The following IGSF1 variants were observed in gnomAD, a reference collection of about 807,000 sequenced individuals.
IGSF1 encodes the protein immunoglobulin superfamily member 1, also known as immunoglobulin-like domain-containing protein 1.
Under a neutral mutation model 95.3 loss-of-function variants are expected in IGSF1, and 40 were observed. That is an observed-to-expected ratio of 0.42 (90% confidence interval 0.33 to 0.55). The LOEUF (loss-of-function observed/expected upper bound fraction) is 0.55. Ranked by LOEUF, IGSF1 falls within the 20% of genes least tolerant of loss-of-function variation. The pLI is 0.10. For missense variants in IGSF1, 906 were observed against 1,025.4 expected (o/e 0.88, Z 1.59); for synonymous variants, 372 against 382.9 (o/e 0.97, Z 0.33).
intron 5 of IGSF1, chrX:131,284,059 A>G: frequency 1.9e-6 from 1 of 539,609 alleles, no homozygotes; most frequent in African/African-American, 2.5e-5. Context: ...AGTGTATTTT[A>G]GTGGAATCTA....
At chrX:131,281,474 T>C in intron 8 of IGSF1, 136 bp from the exon 9 acceptor site, 1 of 898,790 alleles carries the variant, frequency 1.1e-6, no homozygotes. Flanking sequence ...TTCTTTTTCA[T>C]GGAGAATGGG....
chrX:131,282,588 C>T lies in IGSF1; in HGVS notation c.1102G>A (p.Ala368Thr), dbSNP rs2080578394. Residue 368 changes from alanine to threonine, a missense_variant, in exon 7 of 20, where the codon GCC becomes ACC. Coordinates refer to ENST00000361420, the MANE Select transcript of IGSF1 (RefSeq NM_001555.5). Reference sequence around the variant, plus strand: ...GATGTGTTGTCATCGATGCTGGTGGCATCCAAAAATTGAAGTGGTTTGTCT... The same window carrying T: ...GATGTGTTGTCATCGATGCTGGTGGTATCCAAAAATTGAAGTGGTTTGTCT... ...GEDKPLQFLD[A>T]TSIDDNTSFF... is the part of the protein sequence containing the mutation. The T allele has an allele frequency of 8.3e-7, 1 of 1,208,974 alleles. No individual in the cohort carries two copies. Among genetic ancestry groups the T allele is most frequent in the South Asian group, 1.8e-5 (1 of 56,748 alleles).
chrX:131,273,602 G>T lies in IGSF1; in HGVS notation c.*194C>A. ...TAAATCAGTACAGTGAGGAGTTACA[G>T]GGGTGGGGAACCTCTCTTCAGGAAA... On this transcript the variant is annotated 3_prime_UTR_variant, in exon 20 of 20. Transcript: ENST00000361420. 1 of 439,124 alleles carries T rather than the reference G, an allele frequency of 2.3e-6. No homozygotes were observed. The highest frequency in any genetic ancestry group is 4.0e-6 in the Non-Finnish European group (1 of 249,982). 36.2% of individuals were successfully genotyped at this position (439,124 alleles called of 1,213,427 possible). A position where few individuals can be genotyped will look rare whatever the true frequency, so the allele number is the denominator to read the frequency against.
rs1015865910 is a variant in IGSF1 at position 131,281,537 on chromosome X, G to A, written c.1525+129C>T. 1.7e-5 allele frequency: 15 copies of A among 887,573 alleles called. No homozygotes were observed. The Admixed American group carries it at 2.9e-4, about 17-fold the overall frequency. The allele number at this position is 887,573 out of a possible 1,213,427, so 73.1% of individuals were successfully genotyped here. On this transcript the variant is annotated intron_variant, in intron 8 of 19. Transcript: ENST00000361420. Reference sequence around the variant, plus strand: ...TTTGAGGAATTGTGAGACCACCCCAGGGGAAGGGTGCTGAAACCCAAGGGC... The same window carrying A: ...TTTGAGGAATTGTGAGACCACCCCAAGGGAAGGGTGCTGAAACCCAAGGGC...
intron 8 of IGSF1, 56 bp downstream of exon 8, chrX:131,281,610 T>C: frequency 8.8e-7 from 1 of 1,133,058 alleles, no homozygotes; most frequent in African/African-American, 1.8e-5. Flanking sequence ...TTCTGGGCAC[T>C]GATCTGGGAT....
chrX:131,276,895 T>G, intron 14 of IGSF1, 44 bp downstream of exon 14: 1 of 1,161,777 alleles, frequency 8.6e-7, no homozygotes, highest in Non-Finnish European at 1.2e-6. Context: ...CCACCCACCA[T>G]CCCAGGGTTG....
At chrX:131,282,762 G>C in intron 6 of IGSF1, 25 bp from the exon 7 acceptor site, 1 of 1,153,150 alleles carries the variant, frequency 8.7e-7, no homozygotes. Flanking sequence ...AGAATAAAAA[G>C]CACTAGTGAT....
intron 5 of IGSF1, chrX:131,284,188 A>T (rs895579200): frequency 4.8e-6 from 2 of 415,909 alleles, no homozygotes; most frequent in Non-Finnish European, 6.0e-6. Flanking sequence ...ATTTATTGAG[A>T]ACTTATATGC....
chrX:131,281,575 G>GCCTCTGAC (rs2080559731), intron 8 of IGSF1, 91 bp downstream of exon 8: 1 of 1,032,197 alleles, frequency 9.7e-7, no homozygotes, highest in Admixed American at 2.8e-5. Context: ...TGATTTTCAG[G>GCCTCTGAC]CCTCTGACTC....
rs752237821 is a variant in IGSF1 at position 131,275,740 on chromosome X, A to G, written c.2922T>C (p.Phe974=). 5.0e-6 allele frequency: 6 copies of G among 1,209,436 alleles called. No individual in the cohort carries two copies. Among genetic ancestry groups the G allele is most frequent in the Non-Finnish European group, 6.7e-6 (6 of 894,531 alleles). ...VTDTFPKPWL[F]AEPSSVVPMG... is the part of the protein sequence containing the mutation. ...TGGGAACCACAGAACTGGGCTCAGCAAACAACCATGGCTTAGGGAATGTGT... is the reference window on the plus strand; with the variant it reads ...TGGGAACCACAGAACTGGGCTCAGCGAACAACCATGGCTTAGGGAATGTGT... Residue 974 remains phenylalanine (F), a synonymous_variant, in exon 16 of 20, where the codon TTT becomes TTC. Transcript: ENST00000361420.
At chrX:131,276,366 GAAA>G (rs199533488) in intron 14 of IGSF1, 118 bp from the exon 15 acceptor site, 6 of 549,873 alleles carry the variant, frequency 1.1e-5, no homozygotes, top group African/African-American at 2.5e-5. Flanking sequence ...AGAAAATATA[GAAA>G]AAAAAACTAA....
chrX:131,278,745 A>G lies in IGSF1; in HGVS notation c.1757T>C (p.Val586Ala). The change falls in exon 12 of 20, where the codon GTC becomes GCC. Residue 586 changes from valine (V) to alanine (A), a missense_variant. By Grantham distance (64) the Val-to-Ala change is moderately conservative. Transcript: ENST00000361420. ...CAGCTCAGGCTTAGGGGTTGGCATG[A>G]CTATTTCTAGAAACAGCAGAATTAA... ...NGVLIEETEI[V>A]MPTPKPELWA... is the part of the protein sequence containing the mutation. 8.3e-7 allele frequency: 1 copy of G among 1,207,299 alleles called. No individual in the cohort carries two copies.
chrX:131,286,059 C>A lies in IGSF1; in HGVS notation c.98-11G>T. The A allele has an allele frequency of 8.5e-7, 1 of 1,178,341 alleles. No homozygotes were observed. Among genetic ancestry groups the A allele is most frequent in the Admixed American group, 2.3e-5 (1 of 43,355 alleles). On this transcript the variant is annotated splice_polypyrimidine_tract_variant and intron_variant, in intron 3 of 19. Coordinates refer to ENST00000361420, the MANE Select transcript of IGSF1 (RefSeq NM_001555.5). The stretch of plus-strand genomic sequence containing the variant: ...GTTGAGGGTCCATCACTGTTATTCC[C>A]AAAGATCAAAAAGATATGAGCAGTC...
rs771955221 is a variant in IGSF1 at position 131,286,710 on chromosome X, G to A, written c.-36C>T. 1 of 1,099,843 alleles carries A rather than the reference G, an allele frequency of 9.1e-7. No individual in the cohort carries two copies. The highest frequency in any genetic ancestry group is 1.2e-6 in the Non-Finnish European group (1 of 829,180). The allele number at this position is 1,099,843 out of a possible 1,213,427, so 90.6% of individuals were successfully genotyped here. On this transcript the variant is annotated 5_prime_UTR_variant, in exon 2 of 20. Coordinates refer to ENST00000361420, the MANE Select transcript of IGSF1 (RefSeq NM_001555.5). ...GTGCTGGCTGTGTGCTCTGAGTCTT[G>A]AAGAATTTTTCTCCTCAGCAGGTGG... is the stretch of plus-strand genomic sequence containing the variant.
chrX:131,280,607 T>G (rs185928220), intron 9 of IGSF1, among the ~76,000 whole-genome samples: 1 of 111,833 alleles, frequency 8.9e-6, no homozygotes, highest in Non-Finnish European at 1.9e-5. Context: ...GGCAGGAGAA[T>G]CTGTTTGGCC....
chrX:131,285,620 C>G (rs768821376), intron 4 of IGSF1, 147 bp downstream of exon 4: 146 of 804,100 alleles, frequency 1.8e-4, no homozygotes, highest in Non-Finnish European at 1.9e-4. Flanking sequence ...CTGCATCCCC[C>G]CTCTGCATTG....
rs369509121 is a variant in IGSF1, at chrX:131,282,500, G to A, written c.1190C>T (p.Thr397Ile). Residue 397 changes from threonine (T) to isoleucine (I), a missense_variant, in exon 7 of 20, where the codon ACC becomes ATC. Coordinates refer to ENST00000361420, the MANE Select transcript of IGSF1 (RefSeq NM_001555.5). The part of the protein sequence containing the change: ...TGIYSCHYLL[T>I]WKTSIRMPSH... ...TGGCATCCTAATGGAGGTCTTCCAG[G>A]TGAGAAGATAGTGGCAGCTATAGAT... 5.8e-6 allele frequency: 7 copies of A among 1,205,158 alleles called. No individual in the cohort carries two copies. The highest frequency in any genetic ancestry group is 3.5e-5 in the African/African-American group (2 of 57,115).
chrX:131,281,188 G>C, intron 9 of IGSF1, 30 bp downstream of exon 9: 1 of 1,205,742 alleles, frequency 8.3e-7, no homozygotes, highest in Non-Finnish European at 1.1e-6. Flanking sequence ...TGTTAGGTTG[G>C]GGAACAGGGG....
At chrX:131,284,081 C>T (rs775429959) in intron 5 of IGSF1, 42 of 683,638 alleles carry the variant, frequency 6.1e-5, no homozygotes, top group Middle Eastern at 8.4e-4. Flanking sequence ...GCTGAAAGGG[C>T]ATGAGTACAA....
Sources: gnomAD v4.1 joint callset for allele counts (sites outside exome capture counted in the v4.1 genomes callset) on GRCh38, gnomAD v4.1.1 for gene constraint, MANE v1.5 for transcripts, NCBI Gene and HGNC (gene_info 2026-07-23, HGNC 2026-07-21) for gene names.